RRM1: variants seen among roughly 807,000 people sequenced by gnomAD.
The protein encoded by RRM1 is ribonucleotide reductase catalytic subunit M1.
Under a neutral mutation model 101.5 loss-of-function variants are expected in RRM1, and 19 were observed. The observed-to-expected ratio is 0.19, with a 90% CI of 0.13 to 0.27. RRM1 has a LOEUF of 0.27. RRM1 is among the 10% of genes least tolerant of loss of function. RRM1 has a pLI of 1.00. For synonymous variants in RRM1, 298 were observed against 323.4 expected (o/e 0.92, Z 0.84); for missense variants, 500 against 962.9 (o/e 0.52, Z 6.36).
intron 15 of RRM1, among the ~76,000 whole-genome samples, chr11:4,130,092 T>G (rs200857800): frequency 2.1e-5 from 1 of 48,494 alleles, no homozygotes; most frequent in Non-Finnish European, 3.6e-5. Flanking sequence ...ATATATTTTT[T>G]TTTTTTTTTT....
chr11:4,122,978 G>A (rs774506677), intron 11 of RRM1, among the ~76,000 whole-genome samples: 1 of 151,998 alleles, frequency 6.6e-6, no homozygotes, highest in Admixed American at 6.6e-5. Context: ...GTGGGATTGC[G>A]ATCATCTGAA....
Position 4,100,673 on chromosome 11 carries a change from T to C in RRM1, c.20-1320T>C, listed in dbSNP as rs1230967694. On this transcript the variant is annotated intron_variant, in intron 1 of 18. Transcript: ENST00000300738. The stretch of plus-strand genomic sequence containing the variant: ...ATTGTGTATCACATACTGTGATTTT[T>C]TTTTCCCCCATAGGAGCAGCTTTAT... Among the ~76,000 whole-genome samples, 3 of 152,220 alleles carry C rather than the reference T, an allele frequency of 2.0e-5. 1 individual carries two copies. The highest frequency in any genetic ancestry group is 6.3e-3 in the Middle Eastern group (2 of 316).
chr11:4,115,831 A>G (rs1699883487), intron 7 of RRM1, among the ~76,000 whole-genome samples: 1 of 152,130 alleles, frequency 6.6e-6, no homozygotes, highest in African/African-American at 2.4e-5. Flanking sequence ...TGCTGGGATT[A>G]GAGGTGTGAG....
intron 5 of RRM1, among the ~76,000 whole-genome samples, chr11:4,110,719 A>G (rs2094564181): frequency 6.6e-6 from 1 of 150,416 alleles, no homozygotes; most frequent in African/African-American, 2.4e-5. Context: ...CAGTGAGCCA[A>G]GATCGTGGCA....
intron 4 of RRM1, among the ~76,000 whole-genome samples, chr11:4,108,555 G>A (rs2094561316): frequency 7.4e-6 from 1 of 134,918 alleles, no homozygotes. Flanking sequence ...CCGAGATTGG[G>A]CCACTGCACT....
rs111889853 is a variant in RRM1, at chr11:4,101,494, A to G, written c.20-499A>G. Among the ~76,000 whole-genome samples, 1,251 of 147,824 alleles carry G rather than the reference A, an allele frequency of 8.5e-3. 21 individuals are homozygous for G. Among genetic ancestry groups the G allele is most frequent in the African/African-American group, 0.03 (1,188 of 39,456 alleles). ...TGCCCAGCTAATTTTTTGTATTTTT[A>G]GTAGAGACGGGGTTTCACCATATTG... On this transcript the variant is annotated intron_variant, in intron 1 of 18. Coordinates refer to ENST00000300738, the MANE Select transcript of RRM1 (RefSeq NM_001033.5).
Position 4,136,713 on chromosome 11 carries a change from C to A in RRM1, c.2190+1443C>A, listed in dbSNP as rs142278085. 3.9e-3 allele frequency among the ~76,000 whole-genome samples: 590 copies of A among 151,338 alleles called. 3 individuals are homozygous for A. The highest frequency in any genetic ancestry group is 0.013 in the African/African-American group (543 of 41,128). ...GGGGGATTACAGGCATGAGCCACAG[C>A]GCCCAGCCAGGAATGTATTTTTTTG... On this transcript the variant is annotated intron_variant, in intron 18 of 18. Transcript: ENST00000300738.
chr11:4,120,596 G>A (rs895469011), intron 9 of RRM1, among the ~76,000 whole-genome samples: 7 of 152,078 alleles, frequency 4.6e-5, no homozygotes, highest in Non-Finnish European at 1.0e-4. Flanking sequence ...AAACTCCTAG[G>A]CTCAAGCAAT....
At chr11:4,120,080 T>C in intron 9 of RRM1, 152 bp downstream of exon 9, 1 of 551,414 alleles carries the variant, frequency 1.8e-6, no homozygotes, top group Non-Finnish European at 3.2e-6. Context: ...AATATGCATA[T>C]ACTTTAAATG....
chr11:4,135,724 T>C (rs1391727385), intron 18 of RRM1, among the ~76,000 whole-genome samples: 3 of 152,166 alleles, frequency 2.0e-5, no homozygotes, highest in African/African-American at 7.2e-5. Context: ...ATCCATTGTT[T>C]TCTCACTTTA....
chr11:4,121,024 A>G (rs902840405), intron 9 of RRM1, among the ~76,000 whole-genome samples: 4 of 152,246 alleles, frequency 2.6e-5, no homozygotes, highest in Admixed American at 2.6e-4. Flanking sequence ...TGTCTCAAAC[A>G]AAACAGAACA....
chr11:4,126,559 G>A (rs1308743051), intron 12 of RRM1, 125 bp from the exon 13 acceptor site: 3 of 735,046 alleles, frequency 4.1e-6, no homozygotes, highest in East Asian at 2.7e-5. Context: ...GATGAAGAGG[G>A]AGAAGTCAAA....
At chr11:4,131,182 G>A (rs1015192093) in intron 15 of RRM1, among the ~76,000 whole-genome samples, 1 of 152,178 alleles carries the variant, frequency 6.6e-6, no homozygotes, top group Non-Finnish European at 1.5e-5. Flanking sequence ...CTTTAATACG[G>A]CGGCAAGCAA....
intron 17 of RRM1, among the ~76,000 whole-genome samples, chr11:4,134,274 A>T (rs997142750): frequency 1.3e-5 from 2 of 152,188 alleles, no homozygotes; most frequent in African/African-American, 4.8e-5. Context: ...GCCTGGCCTC[A>T]GACATCAATA....
intron 7 of RRM1, 102 bp from the exon 8 acceptor site, chr11:4,118,218 C>A: frequency 9.1e-7 from 1 of 1,098,374 alleles, no homozygotes; most frequent in Non-Finnish European, 1.3e-6. Context: ...TAAACTTCAA[C>A]TCTTTTTTTT....
At chr11:4,102,627 G>A (rs1333863030) in intron 2 of RRM1, among the ~76,000 whole-genome samples, 3 of 151,508 alleles carry the variant, frequency 2.0e-5, no homozygotes, top group African/African-American at 7.3e-5. Context: ...ACTCCAGCCT[G>A]GGCGACAGAG....
At position 4,094,925 on chromosome 11, in the gene RRM1, T is replaced by A; in HGVS notation, c.-88T>A. ...CTGAGCAGCGCCTGGAACCTAACCC[T>A]TCCCACTCTGTCACCTTCTCGATCC... On this transcript the variant is annotated 5_prime_UTR_variant, in exon 1 of 19. Transcript: ENST00000300738. The A allele has an allele frequency of 7.1e-7, 1 of 1,417,454 alleles. No individual in the cohort carries two copies. The highest frequency in any genetic ancestry group is 9.8e-7 in the Non-Finnish European group (1 of 1,024,910). The allele number at this position is 1,417,454 out of a possible 1,614,324, so 87.8% of individuals were successfully genotyped here. A position where few individuals can be genotyped will look rare whatever the true frequency, so the allele number is the denominator to read the frequency against.
At chr11:4,098,368 G>A (rs1312950951) in intron 1 of RRM1, among the ~76,000 whole-genome samples, 1 of 92,792 alleles carries the variant, frequency 1.1e-5, no homozygotes, top group African/African-American at 4.5e-5. Flanking sequence ...CTTCTTTCCT[G>A]CCCTCCTCCC....
At position 4,101,936 on chromosome 11, in the gene RRM1, A is replaced by T. The variant is rs1415767297; in HGVS notation, c.20-57A>T. On this transcript the variant is annotated intron_variant, in intron 1 of 18. Coordinates refer to ENST00000300738, the MANE Select transcript of RRM1 (RefSeq NM_001033.5). ...ATTACATTTGATTCTTTGACATTGT[A>T]GTCTTAATAATTGCTAACATGAATT... 12 of 871,272 alleles carry T rather than the reference A, an allele frequency of 1.4e-5. 1 individual carries two copies. In the East Asian group the frequency reaches 2.9e-4, roughly 21 times the overall value. 54.0% of individuals were successfully genotyped at this position (871,272 alleles called of 1,614,324 possible).
Sources: gnomAD v4.1 joint callset for allele counts (sites outside exome capture counted in the v4.1 genomes callset) on GRCh38, gnomAD v4.1.1 for gene constraint, MANE v1.5 for transcripts, NCBI Gene and HGNC (gene_info 2026-07-23, HGNC 2026-07-21) for gene names.